GMDS: variants seen among roughly 807,000 people sequenced by gnomAD.
GMDS encodes GDP-mannose 4,6-dehydratase.
In GMDS, 20 loss-of-function variants were observed where a neutral mutation model predicts 49.9. The ratio of observed to expected loss-of-function variants is 0.40; its 90% CI spans 0.28 to 0.58. The LOEUF (loss-of-function observed/expected upper bound fraction) is 0.58. Among genes scored for constraint, GMDS ranks in the 20% least tolerant of loss-of-function variants. The pLI is 0.42. For synonymous variants in GMDS, 177 were observed against 178.6 expected (o/e 0.99, Z 0.07); for missense variants, 362 against 481.4 (o/e 0.75, Z 2.32).
chr6:2,109,472 T>G (rs1371441556), intron 4 of GMDS, among the ~76,000 whole-genome samples: 1 of 152,198 alleles, frequency 6.6e-6, no homozygotes, highest in Non-Finnish European at 1.5e-5. Context: ...AAACACAGCC[T>G]AAGGCAGGTG....
intron 4 of GMDS, among the ~76,000 whole-genome samples, chr6:2,087,962 T>C (rs73414507): frequency 0.011 from 1,739 of 152,288 alleles, 27 homozygotes; most frequent in African/African-American, 0.038. Context: ...TTGTTTTTCC[T>C]AACCTAAAAG....
intron 7 of GMDS, among the ~76,000 whole-genome samples, chr6:1,832,837 C>T (rs1400229873): frequency 6.6e-6 from 1 of 152,234 alleles, no homozygotes; most frequent in Non-Finnish European, 1.5e-5. Context: ...TTGCCTGCCA[C>T]AGACCTGATG....
intron 4 of GMDS, among the ~76,000 whole-genome samples, chr6:2,077,122 A>G (rs536663780): frequency 6.6e-6 from 1 of 151,908 alleles, no homozygotes; most frequent in Non-Finnish European, 1.5e-5. Flanking sequence ...AACACTACTG[A>G]TTTTTACATG....
chr6:2,030,294 G>A (rs1768873903), intron 4 of GMDS, among the ~76,000 whole-genome samples: 1 of 152,206 alleles, frequency 6.6e-6, no homozygotes, highest in Non-Finnish European at 1.5e-5. Flanking sequence ...GAACACCTGT[G>A]TCAAATTTGT....
At chr6:2,092,185 T>C (rs763600364) in intron 4 of GMDS, among the ~76,000 whole-genome samples, 5 of 152,216 alleles carry the variant, frequency 3.3e-5, no homozygotes, top group Non-Finnish European at 5.9e-5. Context: ...GACCGGTTAG[T>C]AGTAGTGAAC....
intron 1 of GMDS, among the ~76,000 whole-genome samples, chr6:2,129,335 C>G (rs1775611007): frequency 6.6e-6 from 1 of 152,146 alleles, no homozygotes; most frequent in Admixed American, 6.5e-5. Context: ...GGAAGACTAG[C>G]ATTTTTCTCC....
intron 1 of GMDS, among the ~76,000 whole-genome samples, chr6:2,145,703 T>G (rs1400819200): frequency 6.6e-6 from 1 of 152,178 alleles, no homozygotes; most frequent in Admixed American, 6.5e-5. Context: ...GTATAACAAC[T>G]ATTTATACAG....
chr6:1,927,157 A>G (rs868362055), intron 7 of GMDS, among the ~76,000 whole-genome samples: 200 of 91,606 alleles, frequency 2.2e-3, no homozygotes, highest in African/African-American at 3.3e-3. Context: ...ATTTTTATTC[A>G]GAGGGTAGCG....
chr6:2,012,325 G>A (rs1490234853), intron 4 of GMDS, among the ~76,000 whole-genome samples: 1 of 151,976 alleles, frequency 6.6e-6, no homozygotes, highest in African/African-American at 2.4e-5. Context: ...AAGTGAAATG[G>A]TCTGAATATT....
intron 7 of GMDS, among the ~76,000 whole-genome samples, chr6:1,863,935 A>C (rs192943863): frequency 6.6e-6 from 1 of 152,340 alleles, no homozygotes; most frequent in East Asian, 1.9e-4. Flanking sequence ...TAAAAAAAGC[A>C]TTAATCAATT....
intron 7 of GMDS, among the ~76,000 whole-genome samples, chr6:1,898,725 C>G (rs1474104249): frequency 1.3e-5 from 2 of 152,142 alleles, no homozygotes; most frequent in East Asian, 1.9e-4. Context: ...TATGGGGGAT[C>G]AGAACAACTT....
intron 7 of GMDS, among the ~76,000 whole-genome samples, chr6:1,910,257 GT>G (rs761258712): frequency 0.027 from 3,562 of 131,712 alleles, 118 homozygotes; most frequent in African/African-American, 0.078. Flanking sequence ...GTCCTGGTAT[GT>G]TTAAAAAAAA....
chr6:2,072,305 T>C (rs1472567840), intron 4 of GMDS, among the ~76,000 whole-genome samples: 2 of 152,230 alleles, frequency 1.3e-5, no homozygotes, highest in Admixed American at 1.3e-4. Context: ...TTCAATACCA[T>C]AATTCATGAA....
At position 1,833,324 on chromosome 6, in the gene GMDS, C is replaced by T. The variant is rs996071236; in HGVS notation, c.772-90738G>A. On this transcript the variant is annotated intron_variant, in intron 7 of 10. Coordinates refer to ENST00000380815, the MANE Select transcript of GMDS (RefSeq NM_001500.4). The surrounding 1 kb of genome is among the most constrained non-coding windows in gnomAD (Gnocchi z 4.4). ...AACACTGGACACATCAAATGTCCTC[C>T]CTTCCTTCATATGGAAAGCTCATCT... is the stretch of plus-strand genomic sequence containing the variant. Among the ~76,000 whole-genome samples the T allele has an allele frequency of 1.3e-5, 2 of 151,582 alleles. No homozygotes were observed. Among genetic ancestry groups the T allele is most frequent in the Non-Finnish European group, 2.9e-5 (2 of 67,936 alleles).
At chr6:1,870,770 TATTAA>T (rs1758695523) in intron 7 of GMDS, among the ~76,000 whole-genome samples, 2 of 152,152 alleles carry the variant, frequency 1.3e-5, no homozygotes, top group South Asian at 2.1e-4. Context: ...AAACACACAC[TATTAA>T]ATTAAGCCAT....
At chr6:1,895,765 G>T (rs1183052119) in intron 7 of GMDS, among the ~76,000 whole-genome samples, 1 of 152,130 alleles carries the variant, frequency 6.6e-6, no homozygotes, top group Non-Finnish European at 1.5e-5. Context: ...TTTGTACATA[G>T]TTCTCAGTTT....
chr6:2,117,466 T>G lies in GMDS; in HGVS notation c.235+3A>C. ...GAGATTCTAGAAAAAGAAAATGACT[T>G]ACTTCCTTCAATGTGAGCCTGGGGA... On this transcript the variant is annotated splice_donor_region_variant and intron_variant, in intron 3 of 10. Coordinates refer to ENST00000380815, the MANE Select transcript of GMDS (RefSeq NM_001500.4). 1 of 1,512,000 alleles carries G rather than the reference T, an allele frequency of 6.6e-7. No individual in the cohort carries two copies. Among genetic ancestry groups the G allele is most frequent in the Non-Finnish European group, 9.2e-7 (1 of 1,086,872 alleles). 93.7% of individuals were successfully genotyped at this position (1,512,000 alleles called of 1,614,324 possible).
intron 7 of GMDS, among the ~76,000 whole-genome samples, chr6:1,856,403 A>G (rs1757940319): frequency 6.6e-6 from 1 of 152,198 alleles, no homozygotes; most frequent in South Asian, 2.1e-4. Context: ...TAAATCAGAA[A>G]ACTCCTCCTG....
In GMDS at chr6:1,836,591, A is replaced by G. The variant is rs1228423643; in HGVS notation, c.771+93512T>C. Among the ~76,000 whole-genome samples, 2 of 152,248 alleles carry G rather than the reference A, an allele frequency of 1.3e-5. No homozygotes were observed. Among genetic ancestry groups the G allele is most frequent in the African/African-American group, 4.8e-5 (2 of 41,464 alleles). On this transcript the variant is annotated intron_variant, in intron 7 of 10. Coordinates refer to ENST00000380815, the MANE Select transcript of GMDS (RefSeq NM_001500.4). The surrounding 1 kb of genome is among the most constrained non-coding windows in gnomAD (Gnocchi z 4.2). ...TAGTATAATGACATCTACTAACTACATCAGTTTGCAGAAAAATATTCTTAC... is the reference window on the plus strand; with the variant it reads ...TAGTATAATGACATCTACTAACTACGTCAGTTTGCAGAAAAATATTCTTAC...
Sources: gnomAD v4.1 joint callset for allele counts (sites outside exome capture counted in the v4.1 genomes callset) on GRCh38, gnomAD v4.1.1 for gene constraint, Gnocchi (gnomAD v3.1) non-coding constraint, MANE v1.5 for transcripts, NCBI Gene and HGNC (gene_info 2026-07-23, HGNC 2026-07-21) for gene names.